TSHR: variants seen among roughly 807,000 people sequenced by gnomAD.
The protein encoded by TSHR is thyrotropin receptor.
In TSHR, 51 loss-of-function variants were observed where a neutral mutation model predicts 64.1. The ratio of observed to expected loss-of-function variants is 0.80; its 90% confidence interval spans 0.64 to 1.01. TSHR has a LOEUF of 1.01. Ranked by LOEUF, TSHR falls within the 50% of genes least tolerant of loss-of-function variation. TSHR has a pLI of 0.00. For missense variants in TSHR, 877 were observed against 942.8 expected (o/e 0.93, Z 0.91); for synonymous variants, 361 against 361.9 (o/e 1.00, Z 0.03).
chr14:80,983,291 G>A, intron 1 of TSHR: 1 of 1,175,380 alleles, frequency 8.5e-7, no homozygotes, highest in Non-Finnish European at 1.2e-6. Context: ...TAGGGCAACT[G>A]ACTACTGATT....
At chr14:81,012,711 A>G (rs1344025603) in intron 1 of TSHR, 2 of 151,884 alleles carry the variant, frequency 1.3e-5, no homozygotes, top group Non-Finnish European at 2.9e-5. Flanking sequence ...GCATTTTTTC[A>G]TGTGTTTTTT....
intron 3 of TSHR, among the ~76,000 whole-genome samples, chr14:81,069,773 A>G (rs1886927050): frequency 6.6e-6 from 1 of 152,204 alleles, no homozygotes; most frequent in Non-Finnish European, 1.5e-5. Context: ...CTTTGAATCA[A>G]TAAAAAATAA....
chr14:81,096,588 C>T (rs754645941), intron 6 of TSHR, 51 bp from the exon 7 acceptor site: 151 of 1,577,784 alleles, frequency 9.6e-5, no homozygotes, highest in Non-Finnish European at 1.2e-4. Flanking sequence ...AGAAACAGGC[C>T]AGCACCACTT....
intron 1 of TSHR, among the ~76,000 whole-genome samples, chr14:80,974,949 C>G (rs179258): frequency 0.79 from 120,818 of 152,226 alleles, 50,170 homozygotes; most frequent in East Asian, 0.99. Context: ...AGTAAGAGTG[C>G]TAAGTAGAAA....
At chr14:81,022,445 A>G (rs933958098) in intron 1 of TSHR, among the ~76,000 whole-genome samples, 1 of 152,158 alleles carries the variant, frequency 6.6e-6, no homozygotes, top group Admixed American at 6.5e-5. Context: ...CAGCAGACTG[A>G]GTGCTATGAT....
At chr14:81,082,283 T>C (rs1887959210) in intron 3 of TSHR, among the ~76,000 whole-genome samples, 1 of 152,200 alleles carries the variant, frequency 6.6e-6, no homozygotes, top group South Asian at 2.1e-4. Context: ...CTGGGCACCA[T>C]AGTGAAGGTT....
At position 81,143,122 on chromosome 14, in the gene TSHR, T is replaced by C. The variant is rs1891769304; in HGVS notation, c.1064T>C (p.Phe355Ser). ...DTHNNAHYYV[F>S]FEEQEDEIIG... is the part of the protein sequence containing the mutation. ...CATAACAACGCTCATTATTACGTCT[T>C]CTTTGAAGAACAAGAGGATGAGATC... Residue 355 changes from phenylalanine to serine, a missense_variant, in exon 10 of 10, where the codon TTC (phenylalanine) becomes TCC (serine). Physicochemically the swap from Phe to Ser is radical, Grantham distance 155. Transcript: ENST00000298171. The C allele has an allele frequency of 9.3e-6, 15 of 1,614,142 alleles. No individual in the cohort carries two copies. Among genetic ancestry groups the C allele is most frequent in the Non-Finnish European group, 1.3e-5 (15 of 1,180,028 alleles).
chr14:80,961,543 A>C (rs1442234276), intron 1 of TSHR, among the ~76,000 whole-genome samples: 1 of 152,154 alleles, frequency 6.6e-6, no homozygotes, highest in Non-Finnish European at 1.5e-5. Context: ...AAGGGGTTTG[A>C]TTTATTCACT....
chr14:81,044,041 T>C (rs776674414), intron 1 of TSHR, among the ~76,000 whole-genome samples: 1 of 152,058 alleles, frequency 6.6e-6, no homozygotes, highest in Non-Finnish European at 1.5e-5. Flanking sequence ...GATTTCATGA[T>C]AAAAACACCG....
At chr14:81,002,778 C>G (rs1397198754) in intron 1 of TSHR, among the ~76,000 whole-genome samples, 1 of 53,052 alleles carries the variant, frequency 1.9e-5, no homozygotes, top group African/African-American at 6.9e-5. Context: ...GTCCCTAATG[C>G]CTCTTTTTTT....
chr14:81,024,031 C>A (rs1324760247), intron 1 of TSHR, among the ~76,000 whole-genome samples: 1 of 152,068 alleles, frequency 6.6e-6, no homozygotes, highest in Non-Finnish European at 1.5e-5. Context: ...CTTAATGGTG[C>A]CTGGGAACTC....
chr14:81,018,274 A>G (rs1438000066), intron 1 of TSHR, among the ~76,000 whole-genome samples: 3 of 152,182 alleles, frequency 2.0e-5, no homozygotes, highest in Admixed American at 6.5e-5. Context: ...GTTCCAAAAT[A>G]TACTCCTTAA....
chr14:80,961,350 T>G (rs537967333), intron 1 of TSHR, among the ~76,000 whole-genome samples: 1 of 152,360 alleles, frequency 6.6e-6, no homozygotes, highest in African/African-American at 2.4e-5. Flanking sequence ...TATAATTGTA[T>G]AAGTGTGCTT....
intron 1 of TSHR, among the ~76,000 whole-genome samples, chr14:81,047,041 T>C (rs1885198982): frequency 6.6e-6 from 1 of 152,074 alleles, no homozygotes; most frequent in Non-Finnish European, 1.5e-5. Flanking sequence ...CCACCAGACC[T>C]GTACTAAAAA....
Position 81,066,721 on chromosome 14 carries a change from C to T in TSHR, c.243-1533C>T, listed in dbSNP as rs189763798. On this transcript the variant is annotated intron_variant, in intron 2 of 9. Transcript: ENST00000298171. The stretch of plus-strand genomic sequence containing the variant: ...GAAAAATAAAAGTACTTGACTCATC[C>T]CTCATAAACTCTGATTTAATTATCC... Among the ~76,000 whole-genome samples the T allele has an allele frequency of 2.6e-5, 4 of 152,168 alleles. 1 individual carries two copies. The highest frequency in any genetic ancestry group is 2.6e-4 in the Admixed American group (4 of 15,278).
At chr14:81,125,433 G>A (rs972669195) in intron 8 of TSHR, among the ~76,000 whole-genome samples, 1 of 152,172 alleles carries the variant, frequency 6.6e-6, no homozygotes, top group African/African-American at 2.4e-5. Context: ...AGTAGTAATA[G>A]TTGCATAACA....
intron 3 of TSHR, among the ~76,000 whole-genome samples, chr14:81,086,577 T>A (rs948466086): frequency 8.5e-5 from 13 of 152,342 alleles, no homozygotes; most frequent in African/African-American, 2.9e-4. Context: ...TCATGAATAT[T>A]ATTTAATCCT....
intron 2 of TSHR, among the ~76,000 whole-genome samples, chr14:81,064,351 CA>C (rs1169854849): frequency 1.3e-5 from 2 of 152,140 alleles, no homozygotes; most frequent in Non-Finnish European, 2.9e-5. Context: ...TCGGCACATT[CA>C]TTTAGGCAGA....
intron 7 of TSHR, among the ~76,000 whole-genome samples, chr14:81,105,568 G>T (rs1889840039): frequency 6.6e-6 from 1 of 152,108 alleles, no homozygotes; most frequent in African/African-American, 2.4e-5. Flanking sequence ...TCCCCTCCTG[G>T]ACTCTGGCTG....
Sources: gnomAD v4.1 joint callset for allele counts (sites outside exome capture counted in the v4.1 genomes callset) on GRCh38, gnomAD v4.1.1 for gene constraint, MANE v1.5 for transcripts, NCBI Gene and HGNC (gene_info 2026-07-23, HGNC 2026-07-21) for gene names.